Variants in RASA2 observed in about 807,000 individuals in gnomAD.
RASA2 encodes the protein RAS p21 protein activator 2.
Under a neutral mutation model 118.2 loss-of-function variants are expected in RASA2, and 155 were observed. That is an observed-to-expected ratio of 1.31 (90% CI 1.15 to 1.50). The LOEUF is 1.50. Ranked by LOEUF, RASA2 falls within the 40% of genes most tolerant of loss-of-function variation. The pLI is 0.00. For synonymous variants in RASA2, 353 were observed against 349.1 expected (o/e 1.01, Z -0.12); for missense variants, 1,016 against 1,009.6 (o/e 1.01, Z -0.09).
rs1229376605 is a variant in RASA2, at chr3:141,512,164, T to C, written c.135T>C (p.Cys45=). 8.7e-6 allele frequency: 14 copies of C among 1,602,906 alleles called. No homozygotes were observed. Among genetic ancestry groups the C allele is most frequent in the Non-Finnish European group, 1.2e-5 (14 of 1,172,964 alleles). ...RVLQSLRGKI[C]EAKNLLPYLG... Reference sequence around the variant, plus strand: ...CAATTTTAAATTTTATGCCAACAGGTGAAGCAAAAAATTTATTGCCATATC... The same window carrying C: ...CAATTTTAAATTTTATGCCAACAGGCGAAGCAAAAAATTTATTGCCATATC... The change falls in exon 2 of 24, where the codon TGT becomes TGC. Residue 45 remains cysteine, a splice_region_variant and synonymous_variant. Transcript: ENST00000286364.
chr3:141,502,839 C>T (rs1402425847), intron 1 of RASA2, among the ~76,000 whole-genome samples: 3 of 152,116 alleles, frequency 2.0e-5, no homozygotes, highest in African/African-American at 4.8e-5. Flanking sequence ...CACTGGGACC[C>T]ATGTTGGCGC....
At position 141,559,946 on chromosome 3, in the gene RASA2, A is replaced by G. The variant is rs1348871281; in HGVS notation, c.814A>G (p.Ile272Val). 5 of 1,613,324 alleles carry G rather than the reference A, an allele frequency of 3.1e-6. No individual in the cohort carries two copies. The highest frequency in any genetic ancestry group is 4.2e-6 in the Non-Finnish European group (5 of 1,179,454). ...AGTCCAAGATGTTTTCCTAGGTGAG[A>G]TTAAGGTTCCTGTGAACGTATTAAG... ...NLVQDVFLGEIKVPVNVLRTD... is the reference protein window; with the variant it reads ...NLVQDVFLGEVKVPVNVLRTD... Residue 272 changes from isoleucine (I) to valine (V), a missense_variant, in exon 9 of 24, where the codon ATT (isoleucine) becomes GTT (valine). Ile to Val is a conservative substitution (Grantham distance 29, BLOSUM62 3). Around this residue, in one of 2 missense-constraint regions of RASA2, gnomAD observed 896 missense variants for 836.4 expected, o/e 1.07. Transcript: ENST00000286364.
intron 19 of RASA2, among the ~76,000 whole-genome samples, 171 bp from the exon 20 acceptor site, chr3:141,607,507 C>T (rs1408799199): frequency 6.6e-6 from 1 of 152,114 alleles, no homozygotes; most frequent in East Asian, 1.9e-4. Flanking sequence ...AATCAAAATT[C>T]ATCTGTTCCA....
intron 19 of RASA2, among the ~76,000 whole-genome samples, chr3:141,595,098 A>G (rs1226483641): frequency 6.6e-6 from 1 of 152,164 alleles, no homozygotes; most frequent in Non-Finnish European, 1.5e-5. Flanking sequence ...TAATATCTAG[A>G]ACAAAAATTT....
At chr3:141,487,604 C>T (rs542680850) in intron 1 of RASA2, among the ~76,000 whole-genome samples, 3 of 151,530 alleles carry the variant, frequency 2.0e-5, no homozygotes, top group Admixed American at 6.6e-5. Flanking sequence ...GGCCTTCGCG[C>T]GGCTGCGGGC....
At chr3:141,606,944 G>C (rs977324205) in intron 19 of RASA2, among the ~76,000 whole-genome samples, 1 of 152,100 alleles carries the variant, frequency 6.6e-6, no homozygotes, top group Admixed American at 6.6e-5. Context: ...TTTGCTTATA[G>C]TTTCTATGAC....
chr3:141,512,039 C>G, intron 1 of RASA2, 124 bp from the exon 2 acceptor site: 2 of 652,344 alleles, frequency 3.1e-6, no homozygotes, highest in Non-Finnish European at 5.2e-6. Flanking sequence ...TCTGTAATCA[C>G]TAGTGTTTTT....
At chr3:141,508,663 C>A (rs1237370741) in intron 1 of RASA2, among the ~76,000 whole-genome samples, 2 of 152,116 alleles carry the variant, frequency 1.3e-5, no homozygotes, top group East Asian at 3.9e-4. Flanking sequence ...ACAGGCATGA[C>A]CACTGCGCCC....
At chr3:141,533,410 G>A (rs376011489) in intron 4 of RASA2, among the ~76,000 whole-genome samples, 3 of 152,106 alleles carry the variant, frequency 2.0e-5, no homozygotes, top group Admixed American at 6.5e-5. Flanking sequence ...CCAAATAATC[G>A]CAAGCCTGTT....
At chr3:141,569,248 GC>G (rs961615860) in intron 9 of RASA2, among the ~76,000 whole-genome samples, 3 of 151,988 alleles carry the variant, frequency 2.0e-5, no homozygotes, top group African/African-American at 7.2e-5. Flanking sequence ...TTTGTAATGG[GC>G]ATATTATTTT....
At chr3:141,586,503 A>G (rs1330175174) in intron 18 of RASA2, 143 bp from the exon 19 acceptor site, 2 of 538,824 alleles carry the variant, frequency 3.7e-6, no homozygotes, top group Middle Eastern at 4.9e-4. Context: ...TAAATGCAAC[A>G]GTCATGGATA....
At chr3:141,580,085 AAT>A (rs1207351331) in intron 15 of RASA2, among the ~76,000 whole-genome samples, 1,285 of 59,402 alleles carry the variant, frequency 0.022, 19 homozygotes, top group African/African-American at 0.043. Flanking sequence ...AAAAAAAAAA[AAT>A]ATATATATAT....
chr3:141,521,837 A>G (rs943633826), intron 3 of RASA2, among the ~76,000 whole-genome samples: 3 of 151,422 alleles, frequency 2.0e-5, no homozygotes, highest in African/African-American at 7.3e-5. Context: ...GGTTTTACTT[A>G]TACATTTTTA....
At chr3:141,562,681 C>T (rs1275122073) in intron 9 of RASA2, among the ~76,000 whole-genome samples, 1 of 144,832 alleles carries the variant, frequency 6.9e-6, no homozygotes, top group Non-Finnish European at 1.5e-5. Context: ...TAACGTTAAA[C>T]TTTTTTTTTT....
chr3:141,591,715 T>G (rs992937073), intron 19 of RASA2, among the ~76,000 whole-genome samples: 1 of 152,180 alleles, frequency 6.6e-6, no homozygotes, highest in East Asian at 1.9e-4. Context: ...CACACAACTT[T>G]CATGTGACAT....
At chr3:141,610,376 TTATA>T (rs2083622846) in intron 23 of RASA2, among the ~76,000 whole-genome samples, 1 of 99,246 alleles carries the variant, frequency 1.0e-5, no homozygotes, top group African/African-American at 3.9e-5. Flanking sequence ...ATATTTATAT[TTATA>T]TATTATATAT....
intron 19 of RASA2, among the ~76,000 whole-genome samples, chr3:141,592,372 G>A (rs2083298201): frequency 6.6e-6 from 1 of 152,170 alleles, no homozygotes; most frequent in Non-Finnish European, 1.5e-5. Flanking sequence ...AGCTCTTGTG[G>A]CTGGAAAATT....
intron 9 of RASA2, among the ~76,000 whole-genome samples, chr3:141,564,595 A>T (rs1251232041): frequency 6.6e-6 from 1 of 152,190 alleles, no homozygotes; most frequent in Non-Finnish European, 1.5e-5. Context: ...GTCTTAGCTG[A>T]GAGATTCTTA....
intron 1 of RASA2, 27 bp from the exon 2 acceptor site, chr3:141,512,136 T>A: frequency 6.8e-7 from 1 of 1,477,324 alleles, no homozygotes; most frequent in Non-Finnish European, 9.4e-7. Context: ...TGATATTTAA[T>A]AACAATTTTA....
Sources: gnomAD v4.1 joint callset for allele counts (sites outside exome capture counted in the v4.1 genomes callset) on GRCh38, gnomAD v4.1.1 for gene constraint, gnomAD v4.1.1 regional missense constraint, MANE v1.5 for transcripts, NCBI Gene and HGNC (gene_info 2026-07-23, HGNC 2026-07-21) for gene names.